PIP5K1A: variants seen among roughly 807,000 people sequenced by gnomAD.
The protein encoded by PIP5K1A is phosphatidylinositol 4-phosphate 5-kinase type-1 alpha.
In PIP5K1A, 46 loss-of-function variants were observed where a neutral mutation model predicts 72.9. The ratio of observed to expected loss-of-function variants is 0.63; its 90% CI spans 0.50 to 0.81. The LOEUF is 0.81. Ranked by LOEUF, PIP5K1A falls within the 30% of genes least tolerant of loss-of-function variation. The pLI is 0.00. For missense variants in PIP5K1A, 458 were observed against 706.1 expected (o/e 0.65, Z 3.98); for synonymous variants, 228 against 255.1 (o/e 0.89, Z 1.01).
chr1:151,238,424 T>C (rs1691190201), intron 10 of PIP5K1A, 159 bp downstream of exon 10: 1 of 605,990 alleles, frequency 1.7e-6, no homozygotes, highest in South Asian at 1.9e-5. Context: ...TTTATTTCCT[T>C]GATTTTGCCT....
chr1:151,232,470 G>T, intron 6 of PIP5K1A, 81 bp from the exon 7 acceptor site: 9 of 1,518,056 alleles, frequency 5.9e-6, no homozygotes, highest in Non-Finnish European at 8.2e-6. Flanking sequence ...ATTTAGAAAA[G>T]AATTGCATCT....
At chr1:151,199,300 G>A (rs1684865052) in intron 1 of PIP5K1A, 5 of 887,302 alleles carry the variant, frequency 5.6e-6, no homozygotes, top group Admixed American at 5.8e-5. Flanking sequence ...CTTTGAGGAG[G>A]ACGGATGGAG....
chr1:151,230,791 C>T (rs1689931673), intron 4 of PIP5K1A, among the ~76,000 whole-genome samples: 1 of 152,250 alleles, frequency 6.6e-6, no homozygotes, highest in South Asian at 2.1e-4. Context: ...CTGCCCACCT[C>T]AGTCTCCCAA....
chr1:151,215,265 C>T (rs1254084131), intron 1 of PIP5K1A, among the ~76,000 whole-genome samples: 1 of 151,290 alleles, frequency 6.6e-6, no homozygotes, highest in Admixed American at 6.6e-5. Flanking sequence ...CTCGAGCTCT[C>T]GACCTCAGGT....
intron 14 of PIP5K1A, among the ~76,000 whole-genome samples, chr1:151,245,989 A>G (rs1034546693): frequency 4.6e-5 from 7 of 152,166 alleles, no homozygotes; most frequent in South Asian, 2.1e-4. Flanking sequence ...GCTCACACCT[A>G]TAATCCTGGC....
At chr1:151,246,402 G>A (rs777857730) in intron 14 of PIP5K1A, among the ~76,000 whole-genome samples, 10 of 152,032 alleles carry the variant, frequency 6.6e-5, no homozygotes, top group African/African-American at 2.4e-4. Flanking sequence ...GGCAGTATTC[G>A]GTTCCTTGTC....
intron 1 of PIP5K1A, among the ~76,000 whole-genome samples, chr1:151,223,264 T>C (rs964046005): frequency 1.3e-5 from 2 of 149,232 alleles, no homozygotes; most frequent in Admixed American, 1.3e-4. Context: ...GGCAGGAGAA[T>C]CTCTTGAACT....
intron 4 of PIP5K1A, among the ~76,000 whole-genome samples, chr1:151,229,319 C>T (rs1570926079): frequency 6.6e-6 from 1 of 151,366 alleles, no homozygotes; most frequent in Non-Finnish European, 1.5e-5. Context: ...TCCAAAGTAA[C>T]TGGGACTACA....
chr1:151,196,681 C>G (rs4291501), upstream of PIP5K1A, among the ~76,000 whole-genome samples: 100,538 of 150,030 alleles, frequency 0.67, 33,807 homozygotes, highest in Middle Eastern at 0.7. Context: ...CAGCCTCCGG[C>G]GTAGCGAGTA....
At chr1:151,247,568 G>T (rs1692691262) in intron 15 of PIP5K1A, among the ~76,000 whole-genome samples, 1 of 152,110 alleles carries the variant, frequency 6.6e-6, no homozygotes. Flanking sequence ...TGGGACTACA[G>T]GCGCCCACCA....
In PIP5K1A at chr1:151,242,171, G is replaced by A. The variant is rs143418421; in HGVS notation, c.1412G>A (p.Arg471Gln). The change falls in exon 13 of 16, where the codon CGG becomes CAG. Residue 471 changes from arginine (R) to glutamine (Q), a missense_variant. Around this residue, in one of 3 missense-constraint regions of PIP5K1A, gnomAD observed 157 missense variants for 175.5 expected, o/e 0.89. Coordinates refer to ENST00000368888, the MANE Select transcript of PIP5K1A (RefSeq NM_001135638.2). ...TTTCGGTCTGGCTCATCTTTCTCTC[G>A]GCGAGCAGGCTCCAGTGGCAACTCC... is the stretch of plus-strand genomic sequence containing the variant. ...KKFRSGSSFS[R>Q]RAGSSGNSCI... 1.1e-5 allele frequency: 17 copies of A among 1,613,898 alleles called. No homozygotes were observed. Among genetic ancestry groups the A allele is most frequent in the Non-Finnish European group, 1.4e-5 (17 of 1,179,996 alleles).
chr1:151,239,919 G>T, intron 11 of PIP5K1A, 36 bp from the exon 12 acceptor site: 1 of 855,558 alleles, frequency 1.2e-6, no homozygotes, highest in Non-Finnish European at 1.8e-6. Flanking sequence ...CTCTTGCCGG[G>T]CCTCCTAACT....
chr1:151,198,374 A>C (rs1418832307), upstream of PIP5K1A, among the ~76,000 whole-genome samples: 1 of 152,014 alleles, frequency 6.6e-6, no homozygotes, highest in Non-Finnish European at 1.5e-5. Context: ...GGACCTGCCG[A>C]GCCACCGTAG....
chr1:151,203,642 G>A (rs587626336), intron 1 of PIP5K1A, among the ~76,000 whole-genome samples: 5 of 151,862 alleles, frequency 3.3e-5, no homozygotes, highest in African/African-American at 1.2e-4. Flanking sequence ...TAACCAACGT[G>A]GTGAAACCCC....
intron 1 of PIP5K1A, among the ~76,000 whole-genome samples, chr1:151,206,572 G>GTTTT (rs1417122824): frequency 6.6e-6 from 1 of 151,940 alleles, no homozygotes; most frequent in African/African-American, 2.4e-5. Flanking sequence ...GTTTTGTTTT[G>GTTTT]TTTTGTTTTT....
chr1:151,226,710 T>A (rs1403317365), intron 3 of PIP5K1A, among the ~76,000 whole-genome samples: 1 of 87,660 alleles, frequency 1.1e-5, no homozygotes, highest in African/African-American at 4.1e-5. Context: ...CGAAACTCTG[T>A]CTCAAAAAAA....
rs1177374514 is a variant in PIP5K1A at position 151,236,753 on chromosome 1, A to C, written c.1135A>C (p.Thr379Pro). 6.2e-7 allele frequency: 1 copy of C among 1,611,968 alleles called. No homozygotes were observed. Among genetic ancestry groups the C allele is most frequent in the Non-Finnish European group, 8.5e-7 (1 of 1,179,128 alleles). Residue 379 changes from threonine (T) to proline (P), a missense_variant, in exon 9 of 16, where the codon ACT becomes CCT. Thr to Pro is a conservative substitution (Grantham distance 38, BLOSUM62 -1). Around this residue, in one of 3 missense-constraint regions of PIP5K1A, gnomAD observed 220 missense variants for 442.6 expected, o/e 0.50. Coordinates refer to ENST00000368888, the MANE Select transcript of PIP5K1A (RefSeq NM_001135638.2). ...GEARRGGTME[T>P]DDHMGGIPAR... ...GGCTCGACGGGGTGGTACCATGGAG[A>C]CTGATGACCAGTAAGTGGGCTCAGG...
rs138226155 is a variant in PIP5K1A, at chr1:151,229,051, C to T, written c.237+1651C>T. Among the ~76,000 whole-genome samples, 681 of 150,882 alleles carry T rather than the reference C, an allele frequency of 4.5e-3. 6 individuals are homozygous for T. The highest frequency in any genetic ancestry group is 0.016 in the African/African-American group (646 of 41,066). On this transcript the variant is annotated intron_variant, in intron 4 of 15. Transcript: ENST00000368888. Reference sequence around the variant, plus strand: ...GGCGCGGTGGTGGGCATCTGTAATCCCAGCTACTCAGGAGGCTGAGACATG... The same window carrying T: ...GGCGCGGTGGTGGGCATCTGTAATCTCAGCTACTCAGGAGGCTGAGACATG...
chr1:151,202,635 A>G (rs1200041146), intron 1 of PIP5K1A, among the ~76,000 whole-genome samples: 4 of 151,466 alleles, frequency 2.6e-5, no homozygotes, highest in Non-Finnish European at 5.9e-5. Flanking sequence ...ACATCTGACT[A>G]ATTTTTGTAT....
Sources: gnomAD v4.1 joint callset for allele counts (sites outside exome capture counted in the v4.1 genomes callset) on GRCh38, gnomAD v4.1.1 for gene constraint, gnomAD v4.1.1 regional missense constraint, MANE v1.5 for transcripts, NCBI Gene and HGNC (gene_info 2026-07-23, HGNC 2026-07-21) for gene names.